TACR1: variants seen among roughly 807,000 people sequenced by gnomAD.
TACR1 encodes substance-P receptor.
Under a neutral mutation model 35.8 loss-of-function variants are expected in TACR1, and 25 were observed. The ratio of observed to expected loss-of-function variants is 0.70; its 90% CI spans 0.51 to 0.98. The LOEUF is 0.98. Ranked by LOEUF, TACR1 falls within the 50% of genes least tolerant of loss-of-function variation. TACR1 has a pLI of 0.00. For synonymous variants in TACR1, 195 were observed against 206.7 expected (o/e 0.94, Z 0.48); for missense variants, 478 against 522.9 (o/e 0.91, Z 0.84).
intron 1 of TACR1, among the ~76,000 whole-genome samples, chr2:75,183,274 A>G (rs1480672639): frequency 3.3e-5 from 5 of 152,218 alleles, no homozygotes; most frequent in Non-Finnish European, 7.3e-5. Context: ...CTTCAATAGT[A>G]TCTACTTGCT....
At chr2:75,118,946 A>C (rs1572940725) in intron 2 of TACR1, 1 of 152,230 alleles carries the variant, frequency 6.6e-6, no homozygotes, top group East Asian at 1.9e-4. Context: ...TTCATCTGAA[A>C]GAATAATTTT....
chr2:75,157,934 A>G (rs1572966148), intron 1 of TACR1, among the ~76,000 whole-genome samples: 1 of 152,366 alleles, frequency 6.6e-6, no homozygotes, highest in Non-Finnish European at 1.5e-5. Flanking sequence ...CCCACCAAAA[A>G]GAGCTTTAGT....
At chr2:75,186,461 C>T (rs373999489) in intron 1 of TACR1, among the ~76,000 whole-genome samples, 6 of 150,354 alleles carry the variant, frequency 4.0e-5, no homozygotes, top group East Asian at 1.9e-4. Flanking sequence ...GTGAGATGAG[C>T]GTTGATTTTA....
At chr2:75,174,530 A>C (rs537329321) in intron 1 of TACR1, among the ~76,000 whole-genome samples, 59 of 152,290 alleles carry the variant, frequency 3.9e-4, no homozygotes, top group Admixed American at 1.6e-3. Flanking sequence ...TGCAAAGTAA[A>C]ACTCATGAAT....
rs200825203 is a variant in TACR1, at chr2:75,199,306, A to T, written c.-372T>A. The T allele has an allele frequency of 4.5e-6, 1 of 222,940 alleles. No homozygotes were observed. The highest frequency in any genetic ancestry group is 9.4e-5 in the East Asian group (1 of 10,664). The allele number at this position is 222,940 out of a possible 1,614,324, so 13.8% of individuals were successfully genotyped here. On this transcript the variant is annotated 5_prime_UTR_variant, in exon 1 of 5. An upstream open reading frame in the 5' UTR loses its in-frame stop. Transcript: ENST00000305249. ...GCACCTGCTGCTGCCTGCAACTCCTATTTCTCCTTCCTCCGCAGGGAAAGG... is the reference window on the plus strand; with the variant it reads ...GCACCTGCTGCTGCCTGCAACTCCTTTTTCTCCTTCCTCCGCAGGGAAAGG...
chr2:75,094,859 A>ATTTTTTTTTTT (rs58283121), intron 2 of TACR1, among the ~76,000 whole-genome samples: 1 of 113,134 alleles, frequency 8.8e-6, no homozygotes, highest in African/African-American at 4.8e-5. Flanking sequence ...ATATATATAT[A>ATTTTTTTTTTT]TTTTTTTTTT....
chr2:75,071,082 T>C (rs994817368), intron 2 of TACR1, among the ~76,000 whole-genome samples: 3 of 152,236 alleles, frequency 2.0e-5, no homozygotes, highest in Non-Finnish European at 4.4e-5. Context: ...CACTAAGTAT[T>C]GTCTGTGGCT....
intron 4 of TACR1, among the ~76,000 whole-genome samples, chr2:75,050,635 G>T (rs1672445827): frequency 6.6e-6 from 1 of 152,208 alleles, no homozygotes; most frequent in Non-Finnish European, 1.5e-5. Context: ...TCTGCCATCT[G>T]CAGGATGGCT....
At chr2:75,128,984 T>G (rs1261085401) in intron 1 of TACR1, among the ~76,000 whole-genome samples, 1 of 152,080 alleles carries the variant, frequency 6.6e-6, no homozygotes, top group Non-Finnish European at 1.5e-5. Flanking sequence ...AGCTAAAACT[T>G]AGGTAGGAGG....
intron 2 of TACR1, among the ~76,000 whole-genome samples, chr2:75,097,201 G>A (rs1362987067): frequency 6.6e-6 from 1 of 152,122 alleles, no homozygotes; most frequent in Admixed American, 6.5e-5. Flanking sequence ...ATTTTTCATG[G>A]GAGTGATAAA....
At chr2:75,173,056 T>C (rs1157475121) in intron 1 of TACR1, among the ~76,000 whole-genome samples, 2 of 152,140 alleles carry the variant, frequency 1.3e-5, no homozygotes, top group Non-Finnish European at 2.9e-5. Flanking sequence ...GGATTAGAAC[T>C]TCAACTTATG....
At chr2:75,135,879 A>ATTCACCC (rs757719391) in intron 1 of TACR1, among the ~76,000 whole-genome samples, 114 of 152,096 alleles carry the variant, frequency 7.5e-4, no homozygotes, top group Admixed American at 3.1e-3. Flanking sequence ...GAGGAGCCTG[A>ATTCACCC]TTCACCCTCT....
At chr2:75,067,139 CT>C (rs1025035987) in intron 2 of TACR1, among the ~76,000 whole-genome samples, 4 of 151,942 alleles carry the variant, frequency 2.6e-5, no homozygotes, top group Non-Finnish European at 4.4e-5. Context: ...AAGACAGGGA[CT>C]TTTTTTTGAT....
intron 2 of TACR1, among the ~76,000 whole-genome samples, chr2:75,102,100 C>T (rs1433091829): frequency 1.3e-5 from 2 of 152,160 alleles, no homozygotes; most frequent in African/African-American, 4.8e-5. Flanking sequence ...TGAACTCAGG[C>T]CACCATAAAG....
chr2:75,195,574 C>T lies in TACR1; in HGVS notation c.389+2972G>A, dbSNP rs542233964. 3.9e-5 allele frequency among the ~76,000 whole-genome samples: 6 copies of T among 152,262 alleles called. No individual in the cohort carries two copies. In the South Asian group the frequency reaches 1.2e-3, roughly 32 times the overall value. On this transcript the variant is annotated intron_variant, in intron 1 of 4. Transcript: ENST00000305249. ...ACCAAGATAGTTTGACTCAACAATT[C>T]CTTTAAAAATCCTTTAAAATGAGAA...
At chr2:75,157,044 C>T (rs1286935055) in intron 1 of TACR1, among the ~76,000 whole-genome samples, 2 of 152,114 alleles carry the variant, frequency 1.3e-5, no homozygotes, top group Admixed American at 6.5e-5. Context: ...CTCATGTCTC[C>T]CATGCATTCC....
intron 2 of TACR1, among the ~76,000 whole-genome samples, chr2:75,094,202 A>G (rs1311028721): frequency 6.6e-6 from 1 of 152,208 alleles, no homozygotes; most frequent in Non-Finnish European, 1.5e-5. Flanking sequence ...ACAGTTTTCT[A>G]AATGGAAGGG....
At chr2:75,085,524 T>C (rs1488322850) in intron 2 of TACR1, among the ~76,000 whole-genome samples, 1 of 152,250 alleles carries the variant, frequency 6.6e-6, no homozygotes, top group South Asian at 2.1e-4. Context: ...TTATTACTTA[T>C]ACTTCAGAAT....
In TACR1 at chr2:75,120,584, A is replaced by G. The variant is rs200685841; in HGVS notation, c.574T>C (p.Tyr192His). ...IEWPEHPNKI[Y>H]EKVYHICVTV... Reference sequence around the variant, plus strand: ...GTCATCTCTACTCACACTTTCTCATAAATCTTGTTCGGATGCTCTGGCCAT... The same window carrying G: ...GTCATCTCTACTCACACTTTCTCATGAATCTTGTTCGGATGCTCTGGCCAT... The change falls in exon 2 of 5, where the codon TAT becomes CAT. Residue 192 changes from tyrosine (Y) to histidine (H), a missense_variant. Physicochemically the swap from Tyr to His is moderately conservative, Grantham distance 83. Coordinates refer to ENST00000305249, the MANE Select transcript of TACR1 (RefSeq NM_001058.4). 89 of 1,601,458 alleles carry G rather than the reference A, an allele frequency of 5.6e-5. No homozygotes were observed. In the African/African-American group the frequency reaches 1.1e-3, roughly 21 times the overall value.
Sources: allele counts gnomAD v4.1 joint callset (sites outside exome capture counted in the v4.1 genomes callset), GRCh38; gene constraint gnomAD v4.1.1; transcripts MANE v1.5; gene names NCBI Gene and HGNC (gene_info 2026-07-23, HGNC 2026-07-21).